Variants in DSC3 observed in about 807,000 individuals in gnomAD.
The protein encoded by DSC3 is desmocollin 3, also known as desmocollin-3.
DSC3 carries 97 observed loss-of-function variants against 89.5 expected under a neutral mutation model. The observed-to-expected ratio is 1.08, with a 90% confidence interval of 0.92 to 1.28. DSC3 has a LOEUF of 1.28. Ranked by LOEUF, DSC3 falls within the 50% of genes most tolerant of loss-of-function variation. DSC3 has a pLI of 0.00. For synonymous variants in DSC3, 436 were observed against 384.1 expected (o/e 1.14, Z -1.58); for missense variants, 1,199 against 1,085.3 (o/e 1.10, Z -1.47).
At chr18:31,029,446 A>G in intron 4 of DSC3, 63 bp downstream of exon 4, 1 of 1,591,852 alleles carries the variant, frequency 6.3e-7, no homozygotes, top group African/African-American at 1.3e-5. Flanking sequence ...AAGAGGTATT[A>G]AATCTCAATG....
At chr18:31,020,599 C>CT (rs1464782725) in intron 7 of DSC3, among the ~76,000 whole-genome samples, 1 of 152,006 alleles carries the variant, frequency 6.6e-6, no homozygotes, top group East Asian at 1.9e-4. Flanking sequence ...TTGTTTCCCT[C>CT]TATCTCTTCC....
rs1984771875 is a variant in DSC3, at chr18:31,004,474, C to A, written c.1889-108G>T. ...GGCGTCATTCTCAAGGAACTGCCTG[C>A]CAGATGAAAATAAATAAAAATGGAG... On this transcript the variant is annotated intron_variant, in intron 12 of 15. Transcript: ENST00000360428. 6.3e-6 allele frequency: 6 copies of A among 952,968 alleles called. No homozygotes were observed. In the South Asian group the frequency reaches 7.7e-5, roughly 12 times the overall value. The allele number at this position is 952,968 out of a possible 1,614,324, so 59.0% of individuals were successfully genotyped here. A position where few individuals can be genotyped will look rare whatever the true frequency, so the allele number is the denominator to read the frequency against.
At chr18:31,036,596 A>G (rs1985975947) in intron 1 of DSC3, among the ~76,000 whole-genome samples, 1 of 151,654 alleles carries the variant, frequency 6.6e-6, no homozygotes, top group African/African-American at 2.4e-5. Flanking sequence ...TGCTCTTTTT[A>G]GACTTTGACT....
intron 9 of DSC3, among the ~76,000 whole-genome samples, chr18:31,017,023 T>C (rs1047846536): frequency 8.5e-5 from 13 of 152,332 alleles, no homozygotes; most frequent in Middle Eastern, 3.4e-3. Context: ...TGATTTGGAC[T>C]AATAAAAAAC....
chr18:30,997,031 A>C lies in DSC3; in HGVS notation c.2253T>G (p.Phe751Leu), dbSNP rs1486480071. 1 of 1,614,086 alleles carries C rather than the reference A, an allele frequency of 6.2e-7. No homozygotes were observed. Among genetic ancestry groups the C allele is most frequent in the Non-Finnish European group, 8.5e-7 (1 of 1,180,034 alleles). Residue 751 changes from phenylalanine (F) to leucine (L), a missense_variant, in exon 15 of 16, where the codon TTT becomes TTG. Coordinates refer to ENST00000360428, the MANE Select transcript of DSC3 (RefSeq NM_001941.5). The stretch of plus-strand genomic sequence containing the variant: ...TAGAGTTGTTGGTAGTTTGGGTCAT[A>C]AATCCATTGGCAGAGCACTGAAATA... Reference protein sequence around the residue: ...GDDRVCSANGFMTQTTNNSSQ... With the variant: ...GDDRVCSANGLMTQTTNNSSQ...
Position 31,022,376 on chromosome 18 carries a change from G to A in DSC3, c.902C>T (p.Thr301Ile). 6.2e-7 allele frequency: 1 copy of A among 1,614,054 alleles called. No individual in the cohort carries two copies. Among genetic ancestry groups the A allele is most frequent in the Non-Finnish European group, 8.5e-7 (1 of 1,179,976 alleles). ...SPGLFSVHPS[T>I]GVITTVSHYL... Reference sequence around the variant, plus strand: ...ATGAGAGACTGTGGTGATTACGCCTGTGCTGGGATGCACAGAAAAGAGCCC... The same window carrying A: ...ATGAGAGACTGTGGTGATTACGCCTATGCTGGGATGCACAGAAAAGAGCCC... The change falls in exon 7 of 16, where the codon ACA becomes ATA. Residue 301 changes from threonine to isoleucine, a missense_variant. Transcript: ENST00000360428.
At position 31,032,591 on chromosome 18, in the gene DSC3, CGTGTGCGTGT is replaced by C. The variant is rs1209946428; in HGVS notation, c.70-325_70-316del. ...GTGTGTGTGTGTGTGTGTGTGTGTG[CGTGTGCGTGT>C]GCGTGTGCGTGTGTGACTGAGTCTC... On this transcript the variant is annotated intron_variant, in intron 1 of 15. Transcript: ENST00000360428. Among the ~76,000 whole-genome samples, 853 of 111,754 alleles carry C rather than the reference CGTGTGCGTGT, an allele frequency of 7.6e-3. 7 individuals are homozygous for C. The highest frequency in any genetic ancestry group is 0.026 in the African/African-American group (667 of 25,390). The allele number at this position is 111,754 out of a possible 152,430, so 73.3% of individuals were successfully genotyped here. A position where few individuals can be genotyped will look rare whatever the true frequency, so the allele number is the denominator to read the frequency against.
rs1380162048 is a variant in DSC3, at chr18:30,996,004, A to AAG, written c.2493+786_2493+787insCT. ...AAAAAAAAAAAAAAAAAAAAAGAAAAGAAAGAAAAAAGCTTCTGCTTCATA... is the reference window on the plus strand; with the variant it reads ...AAAAAAAAAAAAAAAAAAAAAGAAAAAGGAAAGAAAAAAGCTTCTGCTTCATA... On this transcript the variant is annotated intron_variant, in intron 15 of 15. Coordinates refer to ENST00000360428, the MANE Select transcript of DSC3 (RefSeq NM_001941.5). 1.5e-3 allele frequency among the ~76,000 whole-genome samples: 214 copies of AAG among 143,706 alleles called. 4 individuals carry two copies. Among genetic ancestry groups the AAG allele is most frequent in the African/African-American group, 5.8e-3 (206 of 35,458 alleles). 94.3% of individuals were successfully genotyped at this position (143,706 alleles called of 152,430 possible).
chr18:30,994,430 A>T (rs1257533562), intron 15 of DSC3, 58 bp from the exon 16 acceptor site: 1 of 1,589,266 alleles, frequency 6.3e-7, no homozygotes, highest in Non-Finnish European at 8.6e-7. Flanking sequence ...TAAATATATG[A>T]ACATAAAATT....
At position 31,024,462 on chromosome 18, in the gene DSC3, T is replaced by C; in HGVS notation, c.662A>G (p.Tyr221Cys). The C allele has an allele frequency of 6.2e-7, 1 of 1,612,856 alleles. No individual in the cohort carries two copies. Among genetic ancestry groups the C allele is most frequent in the Non-Finnish European group, 8.5e-7 (1 of 1,179,372 alleles). The part of the protein sequence containing the change: ...LIAYASTADG[Y>C]SADLPLPLPI... ...TAGTGGGAGGGGCAGATCTGCTGAA[T>C]ATCCATCTGCAGTTGACGCATAAGC... The change falls in exon 6 of 16, where the codon TAT (tyrosine) becomes TGT (cysteine). Residue 221 changes from tyrosine (Y) to cysteine (C), a missense_variant. Transcript: ENST00000360428.
intron 7 of DSC3, among the ~76,000 whole-genome samples, chr18:31,021,945 T>C (rs1300767639): frequency 1.3e-5 from 2 of 152,010 alleles, no homozygotes; most frequent in Non-Finnish European, 2.9e-5. Flanking sequence ...CTTTCCTCAC[T>C]AAAAGTATAT....
At chr18:31,024,025 G>A (rs931528472) in intron 6 of DSC3, among the ~76,000 whole-genome samples, 1 of 152,102 alleles carries the variant, frequency 6.6e-6, no homozygotes, top group Non-Finnish European at 1.5e-5. Context: ...CACCCTGCAT[G>A]TCCTCTCTTG....
chr18:31,028,342 AG>A (rs1204831806), intron 4 of DSC3, among the ~76,000 whole-genome samples: 1 of 152,140 alleles, frequency 6.6e-6, no homozygotes, highest in Admixed American at 6.6e-5. Flanking sequence ...AAGGAGGGAA[AG>A]GTGAGCTATG....
chr18:31,029,401 A>G (rs1298765189), intron 4 of DSC3, 108 bp downstream of exon 4: 2 of 1,410,020 alleles, frequency 1.4e-6, no homozygotes, highest in Middle Eastern at 1.8e-4. Context: ...CCTCATGAAC[A>G]TCTTTAATCA....
At position 30,996,664 on chromosome 18, in the gene DSC3, G is replaced by A; in HGVS notation, c.2493+127C>T. 2.9e-6 allele frequency: 3 copies of A among 1,038,846 alleles called. No homozygotes were observed. In the South Asian group the frequency reaches 6.3e-5, roughly 22 times the overall value. 64.4% of individuals were successfully genotyped at this position (1,038,846 alleles called of 1,614,324 possible). A position where few individuals can be genotyped will look rare whatever the true frequency, so the allele number is the denominator to read the frequency against. ...AATGTAACAAAATCAAAGAGCACGG[G>A]AAAATGAACAGAGCAAGCAAGAGAG... is the stretch of plus-strand genomic sequence containing the variant. On this transcript the variant is annotated intron_variant, in intron 15 of 15. Transcript: ENST00000360428.
At chr18:30,994,583 A>T in intron 15 of DSC3, 1 of 1,039,796 alleles carries the variant, frequency 9.6e-7, no homozygotes, top group Non-Finnish European at 1.4e-6. Context: ...CTCCATATAA[A>T]TAAAAAATTA....
intron 1 of DSC3, among the ~76,000 whole-genome samples, chr18:31,040,981 C>T (rs1034741343): frequency 6.8e-6 from 1 of 147,850 alleles, no homozygotes; most frequent in African/African-American, 2.6e-5. Flanking sequence ...AGCATTTAAC[C>T]TAAACTCAAC....
At chr18:31,029,837 G>T (rs956425139) in intron 3 of DSC3, among the ~76,000 whole-genome samples, 4 of 152,156 alleles carry the variant, frequency 2.6e-5, no homozygotes, top group African/African-American at 4.8e-5. Flanking sequence ...AAGAAACAGA[G>T]AATTTCTTTT....
Position 30,994,374 on chromosome 18 carries a change from T to C in DSC3, c.2494-2A>G. ...ATTCTGATTACATCGATGCAATTTC[T>C]GTAAAATTTTTTAAAAAATGAATTG... is the stretch of plus-strand genomic sequence containing the variant. On this transcript the variant is annotated splice_acceptor_variant, in intron 15 of 15. Transcript: ENST00000360428. LOFTEE classifies it high-confidence loss of function. The C allele has an allele frequency of 2.5e-6, 4 of 1,613,470 alleles. No individual in the cohort carries two copies. The highest frequency in any genetic ancestry group is 3.4e-6 in the Non-Finnish European group (4 of 1,179,706).
Sources: gnomAD v4.1 joint callset for allele counts (sites outside exome capture counted in the v4.1 genomes callset) on GRCh38, gnomAD v4.1.1 for gene constraint, MANE v1.5 for transcripts, NCBI Gene and HGNC (gene_info 2026-07-23, HGNC 2026-07-21) for gene names.